GPC6: variants seen among roughly 807,000 people sequenced by gnomAD.
The protein encoded by GPC6 is glypican-6.
A neutral mutation model predicts 55.2 loss-of-function variants in GPC6; 14 were observed. That is an observed-to-expected ratio of 0.25 (90% confidence interval 0.17 to 0.40). The LOEUF (loss-of-function observed/expected upper bound fraction) is 0.40. GPC6 is among the 10% of genes least tolerant of loss of function. GPC6 has a pLI of 1.00. For missense variants in GPC6, 641 were observed against 708.5 expected, an observed-to-expected ratio of 0.90 and a Z score of 1.08; for synonymous variants, 278 against 259.6, an observed-to-expected ratio of 1.07 and a Z score of -0.68.
intron 1 of GPC6, among the ~76,000 whole-genome samples, chr13:93,231,332 T>TATATATATATACATATATATATATATAC (rs1594041456): frequency 3.1e-5 from 1 of 32,064 alleles, no homozygotes; most frequent in East Asian, 1.2e-3. Flanking sequence ...TATATATACG[T>TATATATATATACATATATATATATATAC]ATATATATAT....
rs1215477666 is a variant in GPC6 at position 94,406,371 on chromosome 13, A to G, written c.*3154A>G. ...GTTTATGGTTCTGTATTGAAGGACA[A>G]CCATGACAACCTTCTGTCATTTTCA... On this transcript the variant is annotated 3_prime_UTR_variant, in exon 9 of 9. Transcript: ENST00000377047. 3 of 152,248 alleles carry G rather than the reference A, an allele frequency of 2.0e-5. No homozygotes were observed. The highest frequency in any genetic ancestry group is 4.4e-5 in the Non-Finnish European group (3 of 67,964). 9.4% of individuals were successfully genotyped at this position (152,248 alleles called of 1,614,324 possible).
intron 2 of GPC6, among the ~76,000 whole-genome samples, chr13:93,669,757 A>T (rs1242970667): frequency 6.6e-6 from 1 of 152,188 alleles, no homozygotes; most frequent in Non-Finnish European, 1.5e-5. Flanking sequence ...CTTCAGGCTA[A>T]CATTTTTGCA....
intron 4 of GPC6, among the ~76,000 whole-genome samples, chr13:94,118,624 C>T (rs1367709076): frequency 6.6e-6 from 1 of 152,048 alleles, no homozygotes; most frequent in Non-Finnish European, 1.5e-5. Context: ...TCTTGTGTCC[C>T]TGTTCAGGAA....
chr13:93,745,663 G>A lies in GPC6; in HGVS notation c.320-84491G>A, dbSNP rs1884373343. Among the ~76,000 whole-genome samples the A allele has an allele frequency of 1.3e-5, 2 of 152,170 alleles. 1 individual carries two copies. Among genetic ancestry groups the A allele is most frequent in the South Asian group, 4.1e-4 (2 of 4,834 alleles). On this transcript the variant is annotated intron_variant, in intron 2 of 8. Coordinates refer to ENST00000377047, the MANE Select transcript of GPC6 (RefSeq NM_005708.5). ...TTGAGATGATAAGCAGCAGTAGGAA[G>A]CCACAGCTCCCAGTTACCCACAGGA...
chr13:93,993,372 C>T lies in GPC6; in HGVS notation c.712-34357C>T, dbSNP rs1228784949. ...GCGGTGGCACAGTCTCAGCTCACTG[C>T]AACCTCCGCCTCCTGGGTTCAAGTG... is the stretch of plus-strand genomic sequence containing the variant. On this transcript the variant is annotated intron_variant, in intron 3 of 8. Transcript: ENST00000377047. Among the ~76,000 whole-genome samples, 7 of 150,928 alleles carry T rather than the reference C, an allele frequency of 4.6e-5. No homozygotes were observed. The Admixed American group carries it at 4.6e-4, about 10-fold the overall frequency.
chr13:94,107,313 C>T (rs974110954), intron 4 of GPC6, among the ~76,000 whole-genome samples: 3 of 152,098 alleles, frequency 2.0e-5, no homozygotes, highest in African/African-American at 4.8e-5. Flanking sequence ...GTCATTTTTC[C>T]GGAGTCTCTG....
rs547998657 is a variant in GPC6, at chr13:93,981,224, C to G, written c.712-46505C>G. Among the ~76,000 whole-genome samples the G allele has an allele frequency of 2.6e-5, 4 of 152,188 alleles. No individual in the cohort carries two copies. In the South Asian group the frequency reaches 6.2e-4, roughly 24 times the overall value. On this transcript the variant is annotated intron_variant, in intron 3 of 8. Transcript: ENST00000377047. ...TCTATTATAGAACATGTAGCTATTT[C>G]TGAGTTTGTGTTAATTGCTATTTCT... is the stretch of plus-strand genomic sequence containing the variant.
chr13:94,260,992 C>G (rs1337208330), intron 4 of GPC6, among the ~76,000 whole-genome samples: 3 of 151,898 alleles, frequency 2.0e-5, no homozygotes, highest in Non-Finnish European at 4.4e-5. Flanking sequence ...AAGGAAAAGG[C>G]GCCGGGCACA....
intron 4 of GPC6, among the ~76,000 whole-genome samples, chr13:94,243,174 C>T (rs377759827): frequency 2.6e-5 from 4 of 152,096 alleles, no homozygotes; most frequent in African/African-American, 9.6e-5. Context: ...CACCTTTATG[C>T]TAACTTGAAA....
intron 1 of GPC6, among the ~76,000 whole-genome samples, chr13:93,418,994 C>T (rs1382463626): frequency 6.6e-6 from 1 of 150,586 alleles, no homozygotes; most frequent in Non-Finnish European, 1.5e-5. Context: ...AGCACTATAC[C>T]ATAGTATCAT....
At chr13:94,346,695 C>A (rs1251466511) in intron 6 of GPC6, among the ~76,000 whole-genome samples, 1 of 144,664 alleles carries the variant, frequency 6.9e-6, no homozygotes, top group South Asian at 2.2e-4. Context: ...CACTCCGGCC[C>A]GGGCAACAGA....
At chr13:94,304,413 T>C (rs919606960) in intron 5 of GPC6, among the ~76,000 whole-genome samples, 5 of 152,114 alleles carry the variant, frequency 3.3e-5, no homozygotes, top group Non-Finnish European at 7.4e-5. Flanking sequence ...ATCATATGCG[T>C]GATGAAAAAT....
At chr13:93,840,399 A>G (rs1887906975) in intron 3 of GPC6, among the ~76,000 whole-genome samples, 1 of 152,162 alleles carries the variant, frequency 6.6e-6, no homozygotes, top group African/African-American at 2.4e-5. Context: ...ATCAGGAAGA[A>G]TTAGATACCC....
intron 3 of GPC6, among the ~76,000 whole-genome samples, chr13:94,022,840 G>A (rs1373369487): frequency 6.6e-6 from 1 of 151,994 alleles, no homozygotes; most frequent in Non-Finnish European, 1.5e-5. Flanking sequence ...ACCTTTTCAT[G>A]TTCCTGTTGG....
intron 1 of GPC6, among the ~76,000 whole-genome samples, chr13:93,457,032 C>T (rs1340461107): frequency 6.6e-6 from 1 of 152,144 alleles, no homozygotes; most frequent in Non-Finnish European, 1.5e-5. Flanking sequence ...CTCCTTCACT[C>T]CGCTCTCATT....
intron 3 of GPC6, among the ~76,000 whole-genome samples, chr13:93,836,566 T>C: frequency 6.6e-6 from 1 of 152,196 alleles, no homozygotes; most frequent in East Asian, 1.9e-4. Context: ...TCTATGTAGA[T>C]TACTTCAATA....
intron 4 of GPC6, among the ~76,000 whole-genome samples, chr13:94,103,932 G>C (rs1274683513): frequency 3.9e-5 from 6 of 152,072 alleles, no homozygotes; most frequent in Admixed American, 1.3e-4. Flanking sequence ...CGTTGCTTTT[G>C]GTGTTTTAGT....
At chr13:93,385,345 G>A (rs959900755) in intron 1 of GPC6, among the ~76,000 whole-genome samples, 2 of 152,252 alleles carry the variant, frequency 1.3e-5, no homozygotes, top group Non-Finnish European at 2.9e-5. Flanking sequence ...TTCATAAGCC[G>A]GGGCAAGTGC....
chr13:93,852,601 A>ATT (rs1355779998), intron 3 of GPC6, among the ~76,000 whole-genome samples: 1 of 151,558 alleles, frequency 6.6e-6, no homozygotes, highest in African/African-American at 2.4e-5. Context: ...CTGATTAATG[A>ATT]TTTCTCTCTC....
Sources: allele counts gnomAD v4.1 joint callset (sites outside exome capture counted in the v4.1 genomes callset), GRCh38; gene constraint gnomAD v4.1.1; transcripts MANE v1.5; gene names NCBI Gene and HGNC (gene_info 2026-07-23, HGNC 2026-07-21).